OR4K13: variants seen among roughly 807,000 people sequenced by gnomAD.
OR4K13 encodes the protein olfactory receptor 4K13.
For missense variants in OR4K13, 403 were observed against 366.0 expected (o/e 1.10, Z -0.82); for synonymous variants, 160 against 134.8 (o/e 1.19, Z -1.30).
In OR4K13 at chr14:20,029,690, G is replaced by C. The variant is rs1216604256; in HGVS notation, c.*4154C>G. 6.6e-6 allele frequency: 1 copy of C among 152,116 alleles called. No individual in the cohort carries two copies. The highest frequency in any genetic ancestry group is 1.5e-5 in the Non-Finnish European group (1 of 68,048). 9.4% of individuals were successfully genotyped at this position (152,116 alleles called of 1,614,324 possible). A position where few individuals can be genotyped will look rare whatever the true frequency, so the allele number is the denominator to read the frequency against. On this transcript the variant is annotated 3_prime_UTR_variant, in exon 2 of 2. Transcript: ENST00000641904. ...TGTAATCCCAGCATTTTGGGAGCCT[G>C]AGGTGGGTGGACCACTTGAGGTCAG...
At position 20,033,970 on chromosome 14, in the gene OR4K13, G is replaced by T; in HGVS notation, c.789C>A (p.Ser263Arg). 1 of 1,613,536 alleles carries T rather than the reference G, an allele frequency of 6.2e-7. No homozygotes were observed. The highest frequency in any genetic ancestry group is 8.5e-7 in the Non-Finnish European group (1 of 1,179,494). The change falls in exon 2 of 2, where the codon AGC becomes AGA. Residue 263 changes from serine (S) to arginine (R), a missense_variant. Physicochemically the swap from Ser to Arg is moderately radical, Grantham distance 110 (BLOSUM62 -1). Coordinates refer to ENST00000641904, the MANE Select transcript of OR4K13 (RefSeq NM_001004714.2). ...AAAGAATTTTATCTACCGAGTATCT[G>T]CTGAAGGGCCAGACGTAGATAAAGA... ...PCVFIYVWPF[S>R]RYSVDKILSV...
rs1266385996 is a variant in OR4K13, at chr14:20,032,283, G to T, written c.*1561C>A. 6.6e-6 allele frequency: 1 copy of T among 152,138 alleles called. No individual in the cohort carries two copies. Among genetic ancestry groups the T allele is most frequent in the Admixed American group, 6.5e-5 (1 of 15,272 alleles). 9.4% of individuals were successfully genotyped at this position (152,138 alleles called of 1,614,324 possible). A position where few individuals can be genotyped will look rare whatever the true frequency, so the allele number is the denominator to read the frequency against. On this transcript the variant is annotated 3_prime_UTR_variant, in exon 2 of 2. Transcript: ENST00000641904. ...GTCTTACAACACAAGGCTACATTCT[G>T]AGATTCAGAAAGAAAGAAAAAAAAA...
chr14:20,034,669 T>C lies in OR4K13; in HGVS notation c.90A>G (p.Gly30=), dbSNP rs1199054398. ...SQNLQILFFL[G]FSVVFVGIVL... is the part of the protein sequence containing the mutation. ...CAATCCCCACGAAGACCACAGAGAA[T>C]CCCAAGAAGAATAAAATCTGAAGAT... The change falls in exon 2 of 2, where the codon GGA becomes GGG. Residue 30 remains glycine, a synonymous_variant. Transcript: ENST00000641904. 1.9e-6 allele frequency: 3 copies of C among 1,613,614 alleles called. No individual in the cohort carries two copies. The highest frequency in any genetic ancestry group is 2.2e-5 in the East Asian group (1 of 44,876).
In OR4K13 at chr14:20,034,541, A is replaced by G; in HGVS notation, c.218T>C (p.Leu73Pro). ...LSNLSCIDMILASFATPKMIV... is the reference protein window; with the variant it reads ...LSNLSCIDMIPASFATPKMIV... ...CATCTTAGGGGTAGCAAAAGAAGCC[A>G]GGATCATATCAATGCAGGAGAGGTT... The change falls in exon 2 of 2, where the codon CTG (leucine) becomes CCG (proline). Residue 73 changes from leucine (L) to proline (P), a missense_variant. By Grantham distance (98) the Leu-to-Pro change is moderately conservative. Coordinates refer to ENST00000641904, the MANE Select transcript of OR4K13 (RefSeq NM_001004714.2). 6.2e-7 allele frequency: 1 copy of G among 1,614,064 alleles called. No individual in the cohort carries two copies. Among genetic ancestry groups the G allele is most frequent in the Non-Finnish European group, 8.5e-7 (1 of 1,180,012 alleles).
Position 20,031,826 on chromosome 14 carries a change from G to A in OR4K13, c.*2018C>T, listed in dbSNP as rs1166067360. ...CACACCCACCCATGCCCACCTCCCC[G>A]CTCAGAGGCTGAAAACAAGTGCAGC... is the stretch of plus-strand genomic sequence containing the variant. On this transcript the variant is annotated 3_prime_UTR_variant, in exon 2 of 2. Transcript: ENST00000641904. 1.2e-4 allele frequency: 1 copy of A among 8,090 alleles called. No homozygotes were observed. The highest frequency in any genetic ancestry group is 3.7e-3 in the East Asian group (1 of 270). 0.5% of individuals were successfully genotyped at this position (8,090 alleles called of 1,614,324 possible).
rs1200469009 is a variant in OR4K13 at position 20,031,871 on chromosome 14, G to A, written c.*1973C>T. The A allele has an allele frequency of 7.5e-6, 1 of 133,418 alleles. No homozygotes were observed. The highest frequency in any genetic ancestry group is 2.5e-4 in the South Asian group (1 of 3,942). The allele number at this position is 133,418 out of a possible 1,614,324, so 8.3% of individuals were successfully genotyped here. ...TGCAGCAAGGTGTGGTAAAAGGAAA[G>A]CAATTTTATTCAAATGCAAGCAGGT... On this transcript the variant is annotated 3_prime_UTR_variant, in exon 2 of 2. Transcript: ENST00000641904.
chr14:20,035,148 T>G (rs1490919619), intron 1 of OR4K13, among the ~76,000 whole-genome samples, 167 bp from the exon 2 acceptor site: 1 of 151,458 alleles, frequency 6.6e-6, no homozygotes, highest in African/African-American at 2.4e-5. Flanking sequence ...AAAAAAGAAT[T>G]TGGACTATAT....
In OR4K13 at chr14:20,034,578, A is replaced by C; in HGVS notation, c.181T>G (p.Phe61Val). 1.2e-6 allele frequency: 2 copies of C among 1,614,036 alleles called. No individual in the cohort carries two copies. Among genetic ancestry groups the C allele is most frequent in the Non-Finnish European group, 1.7e-6 (2 of 1,179,990 alleles). ...ATGCAGGAGAGGTTGCTAAGCAGAA[A>C]ATACATTGGTGTGTGAAGGAGCGAA... ...FDSLLHTPMY[F>V]LLSNLSCIDM... The change falls in exon 2 of 2, where the codon TTT becomes GTT. Residue 61 changes from phenylalanine (F) to valine (V), a missense_variant. Physicochemically the swap from Phe to Val is conservative, Grantham distance 50. Transcript: ENST00000641904.
Position 20,034,501 on chromosome 14 carries a change from G to A in OR4K13, c.258C>T (p.Leu86=), listed in dbSNP as rs751055365. The part of the protein sequence containing the change: ...FATPKMIVDF[L]RERKTISWWG... The stretch of plus-strand genomic sequence containing the variant: ...ACCATGAGATGGTCTTACGTTCTCG[G>A]AGGAAATCTACAATCATCTTAGGGG... The change falls in exon 2 of 2, where the codon CTC becomes CTT. Residue 86 remains leucine (L), a synonymous_variant. Coordinates refer to ENST00000641904, the MANE Select transcript of OR4K13 (RefSeq NM_001004714.2). 3 of 1,613,980 alleles carry A rather than the reference G, an allele frequency of 1.9e-6. No homozygotes were observed. Among genetic ancestry groups the A allele is most frequent in the Non-Finnish European group, 1.7e-6 (2 of 1,179,990 alleles).
Position 20,030,656 on chromosome 14 carries a change from C to G in OR4K13, c.*3188G>C, listed in dbSNP as rs1222646484. The stretch of plus-strand genomic sequence containing the variant: ...TCCTACTACTTTCCCTTAATTTTAA[C>G]CCTGGGATCCCCTTAAATAGAGAGT... On this transcript the variant is annotated 3_prime_UTR_variant, in exon 2 of 2. Transcript: ENST00000641904. 1 of 152,168 alleles carries G rather than the reference C, an allele frequency of 6.6e-6. No individual in the cohort carries two copies. The highest frequency in any genetic ancestry group is 1.5e-5 in the Non-Finnish European group (1 of 68,048). 9.4% of individuals were successfully genotyped at this position (152,168 alleles called of 1,614,324 possible).
Position 20,032,551 on chromosome 14 carries a change from A to G in OR4K13, c.*1293T>C, listed in dbSNP as rs1877447073. The G allele has an allele frequency of 6.6e-6, 1 of 152,146 alleles. No homozygotes were observed. The highest frequency in any genetic ancestry group is 2.4e-5 in the African/African-American group (1 of 41,444). 9.4% of individuals were successfully genotyped at this position (152,146 alleles called of 1,614,324 possible). On this transcript the variant is annotated 3_prime_UTR_variant, in exon 2 of 2. Coordinates refer to ENST00000641904, the MANE Select transcript of OR4K13 (RefSeq NM_001004714.2). ...ATAATATATCCAATAAAAGGCATAA[A>G]GTTCTTTTTGGATTTATGCTGAAGT... is the stretch of plus-strand genomic sequence containing the variant.
rs758732300 is a variant in OR4K13, at chr14:20,034,192, G to A, written c.567C>T (p.Cys189=). Residue 189 remains cysteine, a synonymous_variant, in exon 2 of 2, where the codon TGC becomes TGT. Transcript: ENST00000641904. ...CDLPLVIKLA[C]KDTYILQLLV... is the part of the protein sequence containing the mutation. Reference sequence around the variant, plus strand: ...GGAGCTGTAGGATGTAGGTGTCCTTGCAGGCAAGTTTAATCACAAGGGGAA... The same window carrying A: ...GGAGCTGTAGGATGTAGGTGTCCTTACAGGCAAGTTTAATCACAAGGGGAA... 3.1e-6 allele frequency: 5 copies of A among 1,614,010 alleles called. No homozygotes were observed. The highest frequency in any genetic ancestry group is 3.3e-5 in the Admixed American group (2 of 59,978).
chr14:20,033,983 A>T lies in OR4K13; in HGVS notation c.776T>A (p.Val259Asp). Residue 259 changes from valine (V) to aspartate (D), a missense_variant, in exon 2 of 2, where the codon GTC (valine) becomes GAC (aspartate). By Grantham distance (152) the Val-to-Asp change is radical (BLOSUM62 -3). Transcript: ENST00000641904. Reference protein sequence around the residue: ...LFFAPCVFIYVWPFSRYSVDK... With the variant: ...LFFAPCVFIYDWPFSRYSVDK... The stretch of plus-strand genomic sequence containing the variant: ...TACCGAGTATCTGCTGAAGGGCCAG[A>T]CGTAGATAAAGACACACGGAGCAAA... 6.2e-7 allele frequency: 1 copy of T among 1,614,076 alleles called. No individual in the cohort carries two copies. Among genetic ancestry groups the T allele is most frequent in the Non-Finnish European group, 8.5e-7 (1 of 1,179,936 alleles).
rs1594165058 is a variant in OR4K13, at chr14:20,034,070, G to A, written c.689C>T (p.Ala230Val). 1.2e-6 allele frequency: 2 copies of A among 1,614,114 alleles called. No individual in the cohort carries two copies. The highest frequency in any genetic ancestry group is 1.7e-6 in the Non-Finnish European group (2 of 1,180,004). ...VIIFSVRYRA[A>V]SRSSKAFSTL... is the part of the protein sequence containing the mutation. The stretch of plus-strand genomic sequence containing the variant: ...GGAGAAAGCCTTAGAGGATCGACTA[G>A]CAGCACGGTACCTAACTGAGAATAT... Residue 230 changes from alanine to valine, a missense_variant, in exon 2 of 2, where the codon GCT becomes GTT. Ala to Val is a moderately conservative substitution (Grantham distance 64, BLOSUM62 0). Transcript: ENST00000641904.
In OR4K13 at chr14:20,034,278, C is replaced by A. The variant is rs745848663; in HGVS notation, c.481G>T (p.Ala161Ser). The A allele has an allele frequency of 6.2e-7, 1 of 1,614,062 alleles. No individual in the cohort carries two copies. The highest frequency in any genetic ancestry group is 1.1e-5 in the South Asian group (1 of 91,076). The change falls in exon 2 of 2, where the codon GCT becomes TCT. Residue 161 changes from alanine to serine, a missense_variant. Ala to Ser is a moderately conservative substitution (Grantham distance 99). Transcript: ENST00000641904. The stretch of plus-strand genomic sequence containing the variant: ...CAGAAGGGCAAAGTCAACATGAAAG[C>A]CATTTGACTAGATGAGTGCACAAAT... ...VGFVHSSSQMAFMLTLPFCGP... is the reference protein window; with the variant it reads ...VGFVHSSSQMSFMLTLPFCGP...
Position 20,029,898 on chromosome 14 carries a change from T to C in OR4K13, c.*3946A>G, listed in dbSNP as rs958957899. 9 of 152,006 alleles carry C rather than the reference T, an allele frequency of 5.9e-5. No homozygotes were observed. 9.4% of individuals were successfully genotyped at this position (152,006 alleles called of 1,614,324 possible). A position where few individuals can be genotyped will look rare whatever the true frequency, so the allele number is the denominator to read the frequency against. ...AAAATTGAGCCACTGCACTACAGCCTGGGTGACAGGGCAAGACTCCATCTC... is the reference window on the plus strand; with the variant it reads ...AAAATTGAGCCACTGCACTACAGCCCGGGTGACAGGGCAAGACTCCATCTC... On this transcript the variant is annotated 3_prime_UTR_variant, in exon 2 of 2. Coordinates refer to ENST00000641904, the MANE Select transcript of OR4K13 (RefSeq NM_001004714.2).
rs1303764801 is a variant in OR4K13, at chr14:20,032,396, A to G, written c.*1448T>C. On this transcript the variant is annotated 3_prime_UTR_variant, in exon 2 of 2. Coordinates refer to ENST00000641904, the MANE Select transcript of OR4K13 (RefSeq NM_001004714.2). ...GTTTTCTCCATAAAATTGGTTGCTC[A>G]GTATGAAACAACTAAGGCTGATGTG... is the stretch of plus-strand genomic sequence containing the variant. The G allele has an allele frequency of 1.3e-5, 2 of 152,244 alleles. No homozygotes were observed. Among genetic ancestry groups the G allele is most frequent in the African/African-American group, 2.4e-5 (1 of 41,468 alleles). The allele number at this position is 152,244 out of a possible 1,614,324, so 9.4% of individuals were successfully genotyped here.
At position 20,034,828 on chromosome 14, in the gene OR4K13, A is replaced by G; in HGVS notation, c.-70T>C. 2 of 1,273,542 alleles carry G rather than the reference A, an allele frequency of 1.6e-6. No homozygotes were observed. The highest frequency in any genetic ancestry group is 2.2e-6 in the Non-Finnish European group (2 of 920,464). The allele number at this position is 1,273,542 out of a possible 1,614,324, so 78.9% of individuals were successfully genotyped here. A position where few individuals can be genotyped will look rare whatever the true frequency, so the allele number is the denominator to read the frequency against. Reference sequence around the variant, plus strand: ...GGGTAGGGAAATGATGCATATTGGAAAGAAATGTTCATGTTGATGTCCACA... The same window carrying G: ...GGGTAGGGAAATGATGCATATTGGAGAGAAATGTTCATGTTGATGTCCACA... On this transcript the variant is annotated 5_prime_UTR_variant, in exon 2 of 2. Transcript: ENST00000641904.
At position 20,034,566 on chromosome 14, in the gene OR4K13, T is replaced by C. The variant is rs766163462; in HGVS notation, c.193A>G (p.Asn65Asp). Residue 65 changes from asparagine (N) to aspartate (D), a missense_variant, in exon 2 of 2, where the codon AAC becomes GAC. Physicochemically the swap from Asn to Asp is conservative, Grantham distance 23 (BLOSUM62 1). Transcript: ENST00000641904. ...LHTPMYFLLS[N>D]LSCIDMILAS... ...AGGATCATATCAATGCAGGAGAGGT[T>C]GCTAAGCAGAAAATACATTGGTGTG... 6.2e-7 allele frequency: 1 copy of C among 1,613,814 alleles called. No individual in the cohort carries two copies. Among genetic ancestry groups the C allele is most frequent in the Non-Finnish European group, 8.5e-7 (1 of 1,179,932 alleles).
Sources: allele counts gnomAD v4.1 joint callset (sites outside exome capture counted in the v4.1 genomes callset), GRCh38; gene constraint gnomAD v4.1.1; transcripts MANE v1.5; gene names NCBI Gene and HGNC (gene_info 2026-07-23, HGNC 2026-07-21).